The following MAPK14 variants were observed in gnomAD, a reference collection of about 807,000 sequenced individuals.
MAPK14 encodes the protein CSAID-binding protein.
A neutral mutation model predicts 49.6 loss-of-function variants in MAPK14; 16 were observed. The observed-to-expected ratio is 0.32, with a 90% CI of 0.22 to 0.49. The LOEUF is 0.49. Ranked by LOEUF, MAPK14 falls within the 20% of genes least tolerant of loss-of-function variation. The pLI is 0.99. For synonymous variants in MAPK14, 142 were observed against 158.0 expected (o/e 0.90, Z 0.76); for missense variants, 200 against 441.2 (o/e 0.45, Z 4.90).
intron 8 of MAPK14, among the ~76,000 whole-genome samples, chr6:36,089,545 A>C (rs58845663): frequency 6.6e-6 from 1 of 152,370 alleles, no homozygotes; most frequent in African/African-American, 2.4e-5. Flanking sequence ...ACTTTAATTT[A>C]ATTTTAAAAA....
chr6:36,038,446 C>T (rs1360397061), intron 1 of MAPK14, among the ~76,000 whole-genome samples: 1 of 152,144 alleles, frequency 6.6e-6, no homozygotes, highest in Non-Finnish European at 1.5e-5. Flanking sequence ...TGCCTTTGTA[C>T]AGACTGTGAC....
At chr6:36,065,548 T>TGTGTGTGTGTGTGTGTGTGTGTG (rs1554181674) in intron 3 of MAPK14, among the ~76,000 whole-genome samples, 6 of 45,788 alleles carry the variant, frequency 1.3e-4, no homozygotes, top group African/African-American at 2.5e-4. Context: ...GTGTGTGTGT[T>TGTGTGTGTGTGTGTGTGTGTGTG]TGGTGGGAAT....
intron 3 of MAPK14, among the ~76,000 whole-genome samples, chr6:36,069,544 T>C (rs898883310): frequency 6.6e-6 from 1 of 152,234 alleles, no homozygotes; most frequent in Non-Finnish European, 1.5e-5. Context: ...TAATGCTTGA[T>C]AGTTATTACT....
chr6:36,086,746 C>T (rs1315419676), intron 8 of MAPK14, among the ~76,000 whole-genome samples: 1 of 152,204 alleles, frequency 6.6e-6, no homozygotes, highest in Non-Finnish European at 1.5e-5. Flanking sequence ...TCTTCTGAAA[C>T]TATTCCAAAC....
chr6:36,058,171 A>G (rs1301763614), intron 2 of MAPK14, among the ~76,000 whole-genome samples: 1 of 152,134 alleles, frequency 6.6e-6, no homozygotes, highest in Non-Finnish European at 1.5e-5. Flanking sequence ...TAAATACCCT[A>G]TACATTAAGA....
intron 8 of MAPK14, among the ~76,000 whole-genome samples, chr6:36,093,724 A>G (rs1765337912): frequency 6.7e-6 from 1 of 150,154 alleles, no homozygotes; most frequent in Non-Finnish European, 1.5e-5. Context: ...CCGTCTCAAA[A>G]AAAAAAAAAA....
At chr6:36,083,084 C>G (rs1280149935) in intron 8 of MAPK14, among the ~76,000 whole-genome samples, 1 of 152,150 alleles carries the variant, frequency 6.6e-6, no homozygotes. Context: ...TAGCTGCAAT[C>G]AGAGGCTTCC....
chr6:36,055,248 G>A (rs1300129472), intron 2 of MAPK14, among the ~76,000 whole-genome samples: 2 of 152,246 alleles, frequency 1.3e-5, no homozygotes, highest in African/African-American at 4.8e-5. Flanking sequence ...TGGGCCTAGA[G>A]ATCTGTACAT....
downstream of MAPK14, among the ~76,000 whole-genome samples, chr6:36,114,165 T>C (rs1175451699): frequency 6.6e-6 from 1 of 152,234 alleles, no homozygotes; most frequent in African/African-American, 2.4e-5. Context: ...TAGCCAGAGA[T>C]GTCTCCAGAT....
chr6:36,048,988 C>T (rs955098132), intron 1 of MAPK14, among the ~76,000 whole-genome samples: 3 of 152,176 alleles, frequency 2.0e-5, no homozygotes, highest in Admixed American at 2.0e-4. Context: ...GTAGAAGCAG[C>T]ACATGCAGTG....
Position 36,102,561 on chromosome 6 carries a change from G to A in MAPK14, c.763-10G>A, listed in dbSNP as rs370881473. On this transcript the variant is annotated splice_polypyrimidine_tract_variant and intron_variant, in intron 9 of 11. Transcript: ENST00000229794. ...GAACAAAGTCATTCTGAAAACCCTT[G>A]TTTTTTCAGGCAAGAAACTATATTC... The A allele has an allele frequency of 9.3e-6, 15 of 1,609,488 alleles. No homozygotes were observed. The highest frequency in any genetic ancestry group is 1.1e-5 in the Non-Finnish European group (13 of 1,177,356).
chr6:36,073,844 G>C, intron 5 of MAPK14, 124 bp downstream of exon 5: 1 of 1,069,320 alleles, frequency 9.4e-7, no homozygotes, highest in Non-Finnish European at 1.4e-6. Context: ...CAACTTTACT[G>C]TAGGTTTAAG....
Position 36,028,223 on chromosome 6 carries a change from G to A in MAPK14, c.66G>A (p.Glu22=). The change falls in exon 1 of 12, where the codon GAG becomes GAA. Residue 22 remains glutamate (E), a synonymous_variant. Transcript: ENST00000229794. The surrounding 1 kb of genome is among the most constrained non-coding windows in gnomAD (Gnocchi z 5.1). ...ACAAGACAATCTGGGAGGTGCCCGA[G>A]CGTTACCAGAACCTGTCTCCAGTGG... is the stretch of plus-strand genomic sequence containing the variant. ...ELNKTIWEVP[E]RYQNLSPVGS... 1 of 1,613,960 alleles carries A rather than the reference G, an allele frequency of 6.2e-7. No individual in the cohort carries two copies. Among genetic ancestry groups the A allele is most frequent in the East Asian group, 2.2e-5 (1 of 44,862 alleles).
At chr6:36,032,113 TGAATA>T (rs1393464531) in intron 1 of MAPK14, among the ~76,000 whole-genome samples, 1 of 152,082 alleles carries the variant, frequency 6.6e-6, no homozygotes, top group Non-Finnish European at 1.5e-5. Context: ...TGAAAATAAA[TGAATA>T]GAATATTTCA....
intron 2 of MAPK14, among the ~76,000 whole-genome samples, chr6:36,058,901 G>A (rs1326997829): frequency 7.2e-6 from 1 of 139,622 alleles, no homozygotes; most frequent in Admixed American, 7.5e-5. Flanking sequence ...TTTTTTTTGA[G>A]ACAGAGTCTC....
At chr6:36,093,669 A>G (rs1229341570) in intron 8 of MAPK14, among the ~76,000 whole-genome samples, 2 of 142,138 alleles carry the variant, frequency 1.4e-5, no homozygotes, top group African/African-American at 5.2e-5. Context: ...CAGTGAGCCG[A>G]GATCGCGCCA....
At chr6:36,086,008 CA>C (rs1764969810) in intron 8 of MAPK14, among the ~76,000 whole-genome samples, 1 of 152,148 alleles carries the variant, frequency 6.6e-6, no homozygotes, top group South Asian at 2.1e-4. Flanking sequence ...GAAACTCACT[CA>C]AAACCACACA....
At chr6:36,093,856 T>C (rs933714574) in intron 8 of MAPK14, among the ~76,000 whole-genome samples, 2 of 152,214 alleles carry the variant, frequency 1.3e-5, no homozygotes, top group Non-Finnish European at 2.9e-5. Flanking sequence ...AAGCCACTTG[T>C]TTGAGATTTG....
intron 3 of MAPK14, among the ~76,000 whole-genome samples, chr6:36,066,446 A>G (rs1277511477): frequency 6.7e-6 from 1 of 149,880 alleles, no homozygotes; most frequent in Non-Finnish European, 1.5e-5. Flanking sequence ...GCTTACCTAA[A>G]ATAACTGAAG....
Sources: gnomAD v4.1 joint callset for allele counts (sites outside exome capture counted in the v4.1 genomes callset) on GRCh38, gnomAD v4.1.1 for gene constraint, Gnocchi (gnomAD v3.1) non-coding constraint, MANE v1.5 for transcripts, NCBI Gene and HGNC (gene_info 2026-07-23, HGNC 2026-07-21) for gene names.